KDM6A: variants seen among roughly 807,000 people sequenced by gnomAD.
The protein encoded by KDM6A is lysine demethylase 6A, also known as lysine-specific demethylase 6A.
KDM6A carries 11 observed loss-of-function variants against 117.6 expected under a neutral mutation model. The observed-to-expected ratio is 0.09, with a 90% CI of 0.06 to 0.15. KDM6A has a LOEUF of 0.15. KDM6A is among the 10% of genes least tolerant of loss of function. KDM6A has a pLI of 1.00. For missense variants in KDM6A, 799 were observed against 1,077.3 expected, an observed-to-expected ratio of 0.74 and a Z score of 3.62; for synonymous variants, 384 against 396.1, an observed-to-expected ratio of 0.97 and a Z score of 0.36.
At chrX:44,904,140 T>TCA (rs1324418101) in intron 2 of KDM6A, among the ~76,000 whole-genome samples, 1 of 112,390 alleles carries the variant, frequency 8.9e-6, no homozygotes, top group Non-Finnish European at 1.9e-5. Flanking sequence ...TTCTCTGAAT[T>TCA]AATTTTTAAA....
chrX:44,963,483 G>GTGTGTGTGTGTGTGTGTC lies in KDM6A; in HGVS notation c.334+2094_334+2095insGTGTGTGTGTGTGTCTGT, dbSNP rs1481840859. 4.2e-4 allele frequency among the ~76,000 whole-genome samples: 17 copies of GTGTGTGTGTGTGTGTGTC among 40,889 alleles called. No homozygotes were observed. In the East Asian group the frequency reaches 6.9e-3, roughly 17 times the overall value. 35.5% of individuals were successfully genotyped at this position (40,889 alleles called of 115,157 possible). A position where few individuals can be genotyped will look rare whatever the true frequency, so the allele number is the denominator to read the frequency against. On this transcript the variant is annotated intron_variant, in intron 3 of 29. Coordinates refer to ENST00000611820, the MANE Select transcript of KDM6A (RefSeq NM_001291415.2). Reference sequence around the variant, plus strand: ...TGTGTGTGTGTGTGTGTGTGTGTGTGTGTCTGTCTGTCTGTCTCTGTCTGT... The same window carrying GTGTGTGTGTGTGTGTGTC: ...TGTGTGTGTGTGTGTGTGTGTGTGTGTGTGTGTGTGTGTGTGTCTGTCTGTCTGTCTGTCTCTGTCTGT...
chrX:45,082,631 C>T lies in KDM6A; in HGVS notation c.3356C>T (p.Ser1119Leu), dbSNP rs2045466032. Residue 1119 changes from serine to leucine, a missense_variant, in exon 22 of 30, where the codon TCG becomes TTG. By Grantham distance (145) the Ser-to-Leu change is moderately radical. Coordinates refer to ENST00000611820, the MANE Select transcript of KDM6A (RefSeq NM_001291415.2). ...GACCACTCAGATAGTGAATCTACATCGTCAGATAAGTAAGTCATTTTTAAT... is the reference window on the plus strand; with the variant it reads ...GACCACTCAGATAGTGAATCTACATTGTCAGATAAGTAAGTCATTTTTAAT... ...HKDHSDSEST[S>L]SDNSGRRRKG... is the part of the protein sequence containing the mutation. 3 of 1,183,734 alleles carry T rather than the reference C, an allele frequency of 2.5e-6. No individual in the cohort carries two copies. The highest frequency in any genetic ancestry group is 3.4e-6 in the Non-Finnish European group (3 of 871,135).
At chrX:44,936,344 T>C (rs2036968078) in intron 2 of KDM6A, among the ~76,000 whole-genome samples, 6 of 111,096 alleles carry the variant, frequency 5.4e-5, no homozygotes, top group Admixed American at 2.9e-4. Flanking sequence ...CAGCCTACCA[T>C]ACTTGATTTA....
At chrX:45,089,225 G>A (rs2045785361) in intron 25 of KDM6A, among the ~76,000 whole-genome samples, 1 of 111,623 alleles carries the variant, frequency 9.0e-6, no homozygotes, top group Non-Finnish European at 1.9e-5. Flanking sequence ...AATTTAAGAT[G>A]GTAATGCTGG....
intron 4 of KDM6A, among the ~76,000 whole-genome samples, chrX:44,986,976 C>G (rs937858488): frequency 4.5e-5 from 5 of 111,182 alleles, no homozygotes; most frequent in African/African-American, 1.6e-4. Context: ...TGTTAGCTTT[C>G]TGTCTTGTTG....
At chrX:45,025,784 T>C (rs1206653626) in intron 6 of KDM6A, among the ~76,000 whole-genome samples, 2 of 112,389 alleles carry the variant, frequency 1.8e-5, no homozygotes, top group Non-Finnish European at 3.8e-5. Context: ...TAGAACTCTT[T>C]TGGGATTTTA....
chrX:44,873,794 TGGC>T (rs1242443463), intron 1 of KDM6A, 82 bp downstream of exon 1: 1 of 1,146,181 alleles, frequency 8.7e-7, no homozygotes, highest in Admixed American at 2.6e-5. Context: ...GGCTTGTCTC[TGGC>T]GGCGGCGGGG....
chrX:44,899,687 C>T (rs1171573397), intron 2 of KDM6A, among the ~76,000 whole-genome samples: 1 of 111,105 alleles, frequency 9.0e-6, no homozygotes, highest in South Asian at 3.8e-4. Context: ...AAATCTGCTG[C>T]TTTCTTTCCA....
At position 45,059,478 on chromosome X, in the gene KDM6A, A is replaced by G; in HGVS notation, c.1194+12A>G. 8.7e-7 allele frequency: 1 copy of G among 1,146,401 alleles called. No individual in the cohort carries two copies. The highest frequency in any genetic ancestry group is 1.2e-6 in the Non-Finnish European group (1 of 839,462). The allele number at this position is 1,146,401 out of a possible 1,213,427, so 94.5% of individuals were successfully genotyped here. On this transcript the variant is annotated intron_variant, in intron 12 of 29. Coordinates refer to ENST00000611820, the MANE Select transcript of KDM6A (RefSeq NM_001291415.2). ...TTAAGTATTTACAGGTAAAATTTTT[A>G]AATGGCAGTTTTTTAAAGCCACATA...
intron 23 of KDM6A, among the ~76,000 whole-genome samples, chrX:45,083,229 A>C (rs1038524707): frequency 8.9e-6 from 1 of 112,063 alleles, no homozygotes; most frequent in Non-Finnish European, 1.9e-5. Flanking sequence ...ATAATTGTAC[A>C]ACTATTAAAA....
In KDM6A at chrX:44,904,381, C is replaced by T. The variant is rs186478519; in HGVS notation, c.225+30394C>T. ...AGATTTTTCTGGGCGTGCACACAGC[C>T]CCTTATCTGTGCTTGGCTTTCTTGA... On this transcript the variant is annotated intron_variant, in intron 2 of 29. Transcript: ENST00000611820. Among the ~76,000 whole-genome samples, 69 of 111,517 alleles carry T rather than the reference C, an allele frequency of 6.2e-4. No individual in the cohort carries two copies. The East Asian group carries it at 0.014, about 23-fold the overall frequency.
At chrX:44,879,557 A>G (rs1436206428) in intron 2 of KDM6A, among the ~76,000 whole-genome samples, 1 of 112,502 alleles carries the variant, frequency 8.9e-6, no homozygotes, top group Non-Finnish European at 1.9e-5. Flanking sequence ...AAATTAAAAC[A>G]GTATATTAAT....
rs1388434507 is a variant in KDM6A at position 45,070,139 on chromosome X, T to C, written c.2640T>C (p.Pro880=). Residue 880 remains proline, a synonymous_variant, in exon 18 of 30, where the codon CCT becomes CCC. Coordinates refer to ENST00000611820, the MANE Select transcript of KDM6A (RefSeq NM_001291415.2). ...SPSSAISTAT[P]SPKSTEQTTT... ...CTTCAGCCATTTCAACAGCAACACC[T>C]TCTCCAAAATCCACTGAGCAGACAA... The C allele has an allele frequency of 5.8e-6, 7 of 1,211,467 alleles. No homozygotes were observed. Among genetic ancestry groups the C allele is most frequent in the Non-Finnish European group, 7.8e-6 (7 of 895,218 alleles).
chrX:45,043,823 C>T (rs750621105), intron 8 of KDM6A, among the ~76,000 whole-genome samples: 1 of 111,602 alleles, frequency 9.0e-6, no homozygotes, highest in African/African-American at 3.3e-5. Flanking sequence ...ATTGTCATAC[C>T]ATCTATAAAT....
At chrX:45,089,084 C>T (rs1243625519) in intron 25 of KDM6A, among the ~76,000 whole-genome samples, 1 of 111,843 alleles carries the variant, frequency 8.9e-6, no homozygotes. Context: ...TTCCATTTAC[C>T]TTTTAGGGAT....
intron 17 of KDM6A, among the ~76,000 whole-genome samples, chrX:45,065,755 T>G (rs907193828): frequency 8.0e-5 from 9 of 112,185 alleles, no homozygotes; most frequent in African/African-American, 2.3e-4. Context: ...AGATTGAGCC[T>G]TAGGGCATTC....
chrX:45,037,365 T>C (rs1296692814), intron 7 of KDM6A, among the ~76,000 whole-genome samples: 4 of 112,435 alleles, frequency 3.6e-5, no homozygotes, highest in Non-Finnish European at 7.5e-5. Flanking sequence ...GTAAAACATA[T>C]ATTCACTTGC....
chrX:44,901,693 T>C (rs2034356125), intron 2 of KDM6A, among the ~76,000 whole-genome samples: 1 of 111,862 alleles, frequency 8.9e-6, no homozygotes, highest in Non-Finnish European at 1.9e-5. Context: ...TATAGAATAT[T>C]CTGTGTCCCT....
intron 8 of KDM6A, among the ~76,000 whole-genome samples, chrX:45,050,626 T>C (rs921489414): frequency 8.9e-5 from 10 of 111,928 alleles, no homozygotes; most frequent in African/African-American, 2.6e-4. Context: ...ATACTGGTAA[T>C]GATATGAATA....
Sources: gnomAD v4.1 joint callset for allele counts (sites outside exome capture counted in the v4.1 genomes callset) on GRCh38, gnomAD v4.1.1 for gene constraint, MANE v1.5 for transcripts, NCBI Gene and HGNC (gene_info 2026-07-23, HGNC 2026-07-21) for gene names.